Variants in AOPEP observed in about 807,000 individuals in gnomAD.
AOPEP encodes the protein aminopeptidase O (putative), also known as aminopeptidase O.
In AOPEP, 77 loss-of-function variants were observed where a neutral mutation model predicts 98.1. The ratio of observed to expected loss-of-function variants is 0.78; its 90% confidence interval spans 0.65 to 0.95. The LOEUF is 0.95. Among genes scored for constraint, AOPEP ranks in the 40% least tolerant of loss-of-function variants. The probability of loss-of-function intolerance (pLI) is 0.00; values close to 1 mark genes in which losing one functional copy is unlikely to be tolerated. For synonymous variants in AOPEP, 346 were observed against 365.3 expected, an observed-to-expected ratio of 0.95 and a Z score of 0.60; for missense variants, 1,024 against 1,024.7, an observed-to-expected ratio of 1.00 and a Z score of 0.01.
chr9:95,001,264 T>C (rs1167026420), intron 11 of AOPEP, among the ~76,000 whole-genome samples: 1 of 152,232 alleles, frequency 6.6e-6, no homozygotes, highest in African/African-American at 2.4e-5. Flanking sequence ...GTTAAATAAT[T>C]TTAAAGCAAT....
chr9:95,096,827 C>T, the AOPEP span, among the ~76,000 whole-genome samples: 2 of 152,224 alleles, frequency 1.3e-5, no homozygotes, highest in Admixed American at 6.5e-5. Flanking sequence ...GCTTGCCTGG[C>T]TGTTCATGAA....
At chr9:94,764,368 C>T (rs867075796) in intron 2 of AOPEP, among the ~76,000 whole-genome samples, 3 of 152,306 alleles carry the variant, frequency 2.0e-5, no homozygotes, top group Middle Eastern at 3.4e-3. Context: ...GTGTCCTGGC[C>T]GGGTGCAGTG....
At chr9:94,852,792 A>T (rs148831010) in intron 5 of AOPEP, among the ~76,000 whole-genome samples, 9 of 152,352 alleles carry the variant, frequency 5.9e-5, no homozygotes, top group African/African-American at 1.7e-4. Flanking sequence ...CATCTTTAAG[A>T]TTATATATAT....
intron 5 of AOPEP, among the ~76,000 whole-genome samples, chr9:94,830,438 T>A (rs922109208): frequency 6.6e-6 from 1 of 152,250 alleles, no homozygotes; most frequent in African/African-American, 2.4e-5. Context: ...ATCCAGCTTA[T>A]CTTTCATGGA....
intron 13 of AOPEP, among the ~76,000 whole-genome samples, chr9:95,007,922 G>A (rs1299807046): frequency 2.0e-5 from 3 of 152,180 alleles, no homozygotes; most frequent in Non-Finnish European, 2.9e-5. Flanking sequence ...AGGAGCCGAC[G>A]CAGTTCACTT....
intron 5 of AOPEP, among the ~76,000 whole-genome samples, chr9:94,902,597 A>G (rs1432137183): frequency 6.6e-6 from 1 of 152,168 alleles, no homozygotes; most frequent in Non-Finnish European, 1.5e-5. Context: ...AGATGTGTTC[A>G]TCTGTCTCAT....
At chr9:94,803,634 A>G (rs1458661647) in intron 5 of AOPEP, among the ~76,000 whole-genome samples, 1 of 152,200 alleles carries the variant, frequency 6.6e-6, no homozygotes, top group East Asian at 1.9e-4. Flanking sequence ...CACAAATAAT[A>G]TTTTAGAATT....
chr9:95,138,085 G>A, the AOPEP span, among the ~76,000 whole-genome samples: 5 of 152,258 alleles, frequency 3.3e-5, no homozygotes, highest in East Asian at 7.7e-4. Flanking sequence ...ATGCTGTTTC[G>A]CTTGCACTTG....
At chr9:94,933,999 C>T (rs369760328) in intron 7 of AOPEP, among the ~76,000 whole-genome samples, 7 of 152,174 alleles carry the variant, frequency 4.6e-5, no homozygotes, top group East Asian at 1.9e-4. Flanking sequence ...CCGCCTGCCT[C>T]GGCCTCCCAA....
intron 5 of AOPEP, among the ~76,000 whole-genome samples, chr9:94,834,330 A>C (rs2041278562): frequency 6.6e-6 from 1 of 152,216 alleles, no homozygotes; most frequent in African/African-American, 2.4e-5. Context: ...AATACCAACC[A>C]ATTACAGCGT....
At position 94,932,065 on chromosome 9, in the gene AOPEP, C is replaced by G. The variant is rs72750310; in HGVS notation, c.1661+3534C>G. ...GAGAACAGGGATTTAAACCCAGGGA[C>G]GGAAACTCTTCTCGGTTCCCTATAC... On this transcript the variant is annotated intron_variant, in intron 7 of 16. Transcript: ENST00000375315. 5.6e-3 allele frequency: 6,193 copies of G among 1,111,614 alleles called. 50 individuals are homozygous for G. Among genetic ancestry groups the G allele is most frequent in the East Asian group, 0.04 (785 of 19,484 alleles). The allele number at this position is 1,111,614 out of a possible 1,614,324, so 68.9% of individuals were successfully genotyped here.
At chr9:94,888,656 T>G (rs2048513827) in intron 5 of AOPEP, among the ~76,000 whole-genome samples, 1 of 152,042 alleles carries the variant, frequency 6.6e-6, no homozygotes. Flanking sequence ...AAGAAAGTTT[T>G]TTGTAGTGGA....
At chr9:95,102,553 C>T in the AOPEP span, among the ~76,000 whole-genome samples, 2 of 152,172 alleles carry the variant, frequency 1.3e-5, no homozygotes, top group Non-Finnish European at 2.9e-5. Flanking sequence ...AAAGAGTAAC[C>T]GATATATTCA....
chr9:95,035,352 A>T (rs2064708243), intron 13 of AOPEP, among the ~76,000 whole-genome samples: 1 of 152,046 alleles, frequency 6.6e-6, no homozygotes, highest in Non-Finnish European at 1.5e-5. Context: ...AGCCAGACCT[A>T]ACAGTTTGAT....
At position 94,773,081 on chromosome 9, in the gene AOPEP, A is replaced by C. The variant is rs1841255698; in HGVS notation, c.877A>C (p.Thr293Pro). 6.2e-7 allele frequency: 1 copy of C among 1,614,028 alleles called. No homozygotes were observed. The highest frequency in any genetic ancestry group is 1.3e-5 in the African/African-American group (1 of 74,916). ...PCQEPPVAMS[T>P]WQATVRAAAS... The stretch of plus-strand genomic sequence containing the variant: ...CCAGGAGCCACCCGTTGCCATGTCA[A>C]CATGGCAGGCTACAGTTCGAGCAGC... The change falls in exon 3 of 17, where the codon ACA (threonine) becomes CCA (proline). Residue 293 changes from threonine to proline, a missense_variant. Physicochemically the swap from Thr to Pro is conservative, Grantham distance 38 (BLOSUM62 -1). Coordinates refer to ENST00000375315, the MANE Select transcript of AOPEP (RefSeq NM_001193329.3).
intron 7 of AOPEP, among the ~76,000 whole-genome samples, chr9:94,947,332 G>A (rs1466882475): frequency 2.0e-4 from 30 of 152,040 alleles, no homozygotes; most frequent in Admixed American, 2.0e-3. Flanking sequence ...AGGCTAGAAT[G>A]CAGTGGCGCA....
chr9:95,117,310 C>G, the AOPEP span: 1 of 1,613,706 alleles, frequency 6.2e-7, no homozygotes, highest in East Asian at 2.2e-5. Flanking sequence ...TCAACCCTAA[C>G]TCACCTTGAG....
Position 95,071,303 on chromosome 9 carries a change from C to A in AOPEP, c.2233-9391C>A, listed in dbSNP as rs993941549. On this transcript the variant is annotated intron_variant, in intron 14 of 16. Coordinates refer to ENST00000375315, the MANE Select transcript of AOPEP (RefSeq NM_001193329.3). ...ACCCTCCCCCCGCCCCACACACACA[C>A]ACAAAAAAATGCTCACTGGAGCATT... Among the ~76,000 whole-genome samples, 24 of 125,308 alleles carry A rather than the reference C, an allele frequency of 1.9e-4. No individual in the cohort carries two copies. The East Asian group carries it at 4.8e-3, about 25-fold the overall frequency. 82.2% of individuals were successfully genotyped at this position (125,308 alleles called of 152,430 possible).
chr9:95,008,958 T>C (rs1288575815), intron 13 of AOPEP, among the ~76,000 whole-genome samples: 3 of 152,234 alleles, frequency 2.0e-5, no homozygotes, highest in African/African-American at 7.2e-5. Flanking sequence ...GGTCCTCAGG[T>C]ATTTTTTTCT....
Sources: gnomAD v4.1 joint callset for allele counts (sites outside exome capture counted in the v4.1 genomes callset) on GRCh38, gnomAD v4.1.1 for gene constraint, MANE v1.5 for transcripts, NCBI Gene and HGNC (gene_info 2026-07-23, HGNC 2026-07-21) for gene names.